Variants in NAV3 observed in about 807,000 individuals in gnomAD.
NAV3 encodes the protein pore membrane and/or filament interacting like protein 1.
In NAV3, 87 loss-of-function variants were observed where a neutral mutation model predicts 244.7. That is an observed-to-expected ratio of 0.36 (90% confidence interval 0.30 to 0.42). The LOEUF (loss-of-function observed/expected upper bound fraction) is 0.42. NAV3 is among the 20% of genes least tolerant of loss of function. The probability of loss-of-function intolerance (pLI) is 1.00; values close to 1 mark genes in which losing one functional copy is unlikely to be tolerated. For missense variants in NAV3, 2,663 were observed against 2,893.3 expected (o/e 0.92, Z 1.83); for synonymous variants, 1,126 against 1,042.2 (o/e 1.08, Z -1.55).
intron 2 of NAV3, among the ~76,000 whole-genome samples, chr12:77,579,953 A>G (rs942436423): frequency 2.6e-5 from 4 of 152,186 alleles, no homozygotes; most frequent in African/African-American, 7.2e-5. Flanking sequence ...TTCACATGTG[A>G]AAAACAATAA....
intron 2 of NAV3, among the ~76,000 whole-genome samples, chr12:77,739,025 A>AG (rs1185470387): frequency 6.6e-6 from 1 of 150,484 alleles, no homozygotes; most frequent in Non-Finnish European, 1.5e-5. Context: ...AAAAAAAAAA[A>AG]AAAAAAAAAA....
intron 22 of NAV3, among the ~76,000 whole-genome samples, chr12:78,157,558 A>G (rs1957357519): frequency 2.0e-5 from 3 of 152,066 alleles, no homozygotes; most frequent in South Asian, 2.1e-4. Flanking sequence ...GACACTGAGT[A>G]AAAGAATAAA....
intron 12 of NAV3, among the ~76,000 whole-genome samples, chr12:78,096,909 G>A (rs1218137165): frequency 6.6e-6 from 1 of 152,150 alleles, no homozygotes; most frequent in Non-Finnish European, 1.5e-5. Flanking sequence ...TCTCTGCCTT[G>A]CTTCTGCTTT....
chr12:77,649,152 C>G (rs1211117676), intron 2 of NAV3, among the ~76,000 whole-genome samples: 4 of 151,958 alleles, frequency 2.6e-5, no homozygotes, highest in African/African-American at 7.2e-5. Context: ...ACAGATGGAC[C>G]CAGATTAGAA....
chr12:78,128,713 C>A lies in NAV3; in HGVS notation c.4288C>A (p.Pro1430Thr), dbSNP rs2138848112. 1 of 1,613,598 alleles carries A rather than the reference C, an allele frequency of 6.2e-7. No individual in the cohort carries two copies. The highest frequency in any genetic ancestry group is 8.5e-7 in the Non-Finnish European group (1 of 1,179,746). ...TLPKKGLRYT[P>T]SSRQANQEEG... ...AGCTGTGCTGTTTTGCAGATATACC[C>A]CATCATCTCGGCAGGCCAACCAAGA... The change falls in exon 18 of 40, where the codon CCA becomes ACA. Residue 1430 changes from proline (P) to threonine (T), a missense_variant. Around this residue, in one of 6 missense-constraint regions of NAV3, gnomAD observed 354 missense variants for 413.0 expected, o/e 0.86. Transcript: ENST00000397909.
At chr12:78,059,298 TTGTG>T (rs756111576) in intron 12 of NAV3, among the ~76,000 whole-genome samples, 183 bp downstream of exon 12, 2 of 152,118 alleles carry the variant, frequency 1.3e-5, no homozygotes, top group Non-Finnish European at 2.9e-5. Flanking sequence ...TTCGTTTTTT[TTGTG>T]TGTGTGAGAC....
intron 28 of NAV3, 103 bp from the exon 29 acceptor site, chr12:78,179,426 G>T: frequency 7.2e-7 from 1 of 1,387,290 alleles, no homozygotes; most frequent in Admixed American, 2.2e-5. Context: ...CACCATATCT[G>T]TACCTGCTGG....
At chr12:77,927,854 G>T (rs1317788453) in intron 1 of NAV3, among the ~76,000 whole-genome samples, 1 of 152,032 alleles carries the variant, frequency 6.6e-6, no homozygotes, top group Admixed American at 6.5e-5. Flanking sequence ...TTTTATTTCT[G>T]CCAGAGTGTT....
At chr12:77,791,644 AG>A (rs1871180171) in intron 2 of NAV3, among the ~76,000 whole-genome samples, 1 of 152,162 alleles carries the variant, frequency 6.6e-6, no homozygotes, top group Admixed American at 6.5e-5. Flanking sequence ...TGTTGACTTC[AG>A]GCATGTGGCA....
intron 7 of NAV3, among the ~76,000 whole-genome samples, chr12:78,003,239 T>G (rs1417329851): frequency 1.3e-5 from 2 of 151,848 alleles, no homozygotes; most frequent in Non-Finnish European, 2.9e-5. Context: ...TGACTGCCAC[T>G]TTTCTTCAAC....
At chr12:78,063,810 G>A (rs1362245935) in intron 12 of NAV3, among the ~76,000 whole-genome samples, 1 of 152,134 alleles carries the variant, frequency 6.6e-6, no homozygotes, top group Non-Finnish European at 1.5e-5. Context: ...TAAAGGCATA[G>A]AAGAGTTTGG....
chr12:78,079,192 C>T (rs545112428), intron 12 of NAV3, among the ~76,000 whole-genome samples: 17 of 152,202 alleles, frequency 1.1e-4, no homozygotes, highest in African/African-American at 3.6e-4. Flanking sequence ...CTACATCCTG[C>T]GCAAGGATGG....
intron 5 of NAV3, among the ~76,000 whole-genome samples, chr12:77,989,612 T>A (rs552537321): frequency 6.6e-6 from 1 of 152,318 alleles, no homozygotes; most frequent in Admixed American, 6.5e-5. Context: ...TGGTACAATG[T>A]ATTCTGTTAG....
At chr12:77,852,404 A>G (rs980705389) in intron 1 of NAV3, among the ~76,000 whole-genome samples, 5 of 152,026 alleles carry the variant, frequency 3.3e-5, no homozygotes, top group African/African-American at 1.2e-4. Context: ...GCGTAGTGGC[A>G]CATGTCTGTA....
At chr12:77,696,787 C>T (rs1875322356) in intron 2 of NAV3, among the ~76,000 whole-genome samples, 3 of 152,068 alleles carry the variant, frequency 2.0e-5, no homozygotes, top group Non-Finnish European at 1.5e-5. Context: ...CATTGTTCAC[C>T]TGTTTATAAT....
chr12:77,669,566 A>G (rs189646777), intron 2 of NAV3, among the ~76,000 whole-genome samples: 1 of 152,284 alleles, frequency 6.6e-6, no homozygotes, highest in African/African-American at 2.4e-5. Context: ...TATATCAGAC[A>G]AAACAAACTT....
chr12:78,063,972 G>A (rs1402746871), intron 12 of NAV3, among the ~76,000 whole-genome samples: 2 of 152,088 alleles, frequency 1.3e-5, no homozygotes, highest in East Asian at 3.9e-4. Context: ...TTCATTTCAA[G>A]GCAAAAGCAC....
intron 23 of NAV3, among the ~76,000 whole-genome samples, chr12:78,162,869 A>T (rs181945965): frequency 0.024 from 2,866 of 121,856 alleles, 63 homozygotes; most frequent in East Asian, 0.11. Context: ...CTCAAAAAAA[A>T]ATATATATAT....
intron 12 of NAV3, among the ~76,000 whole-genome samples, chr12:78,116,194 G>A (rs1481492819): frequency 6.6e-6 from 1 of 152,158 alleles, no homozygotes; most frequent in Non-Finnish European, 1.5e-5. Flanking sequence ...AGAGGATACT[G>A]TATGTTATCA....
Sources: gnomAD v4.1 joint callset for allele counts (sites outside exome capture counted in the v4.1 genomes callset) on GRCh38, gnomAD v4.1.1 for gene constraint, gnomAD v4.1.1 regional missense constraint, MANE v1.5 for transcripts, NCBI Gene and HGNC (gene_info 2026-07-23, HGNC 2026-07-21) for gene names.